The following UBR2 variants were observed in gnomAD, a reference collection of about 807,000 sequenced individuals.
UBR2 encodes the protein E3 ubiquitin-protein ligase UBR2.
A neutral mutation model predicts 247.9 loss-of-function variants in UBR2; 92 were observed. The ratio of observed to expected loss-of-function variants is 0.37; its 90% CI spans 0.31 to 0.44. The LOEUF is 0.44. Ranked by LOEUF, UBR2 falls within the 20% of genes least tolerant of loss-of-function variation. The pLI, the probability that UBR2 is intolerant of heterozygous loss-of-function variation, is 1.00. For missense variants in UBR2, 1,613 were observed against 2,112.6 expected (o/e 0.76, Z 4.64); for synonymous variants, 672 against 693.5 (o/e 0.97, Z 0.49).
At chr6:42,687,477 A>AGG (rs1799507658) in intron 44 of UBR2, among the ~76,000 whole-genome samples, 1 of 152,200 alleles carries the variant, frequency 6.6e-6, no homozygotes. Flanking sequence ...GACTGTGCAA[A>AGG]GGGGAGAGGG....
chr6:42,637,302 T>C (rs1206767962), intron 15 of UBR2, 108 bp downstream of exon 15: 3 of 1,215,480 alleles, frequency 2.5e-6, no homozygotes, highest in African/African-American at 3.1e-5. Flanking sequence ...CTGTGATTTC[T>C]ACATCATTAA....
At chr6:42,608,913 GT>G (rs1359164213) in intron 7 of UBR2, among the ~76,000 whole-genome samples, 1 of 151,934 alleles carries the variant, frequency 6.6e-6, no homozygotes, top group Non-Finnish European at 1.5e-5. Context: ...TAATTTGTAT[GT>G]TTTATGACTT....
chr6:42,576,274 A>G (rs1791499552), intron 2 of UBR2, among the ~76,000 whole-genome samples: 1 of 152,186 alleles, frequency 6.6e-6, no homozygotes, highest in South Asian at 2.1e-4. Flanking sequence ...ATTGGAAACC[A>G]TGCATCTGTA....
At chr6:42,582,838 TA>T (rs1371991805) in intron 2 of UBR2, among the ~76,000 whole-genome samples, 3 of 152,152 alleles carry the variant, frequency 2.0e-5, no homozygotes, top group Non-Finnish European at 4.4e-5. Context: ...GATATCTCAT[TA>T]TAGTTCTTTT....
chr6:42,615,136 CTAG>C lies in UBR2; in HGVS notation c.1053_1055del (p.Val352del). Reference sequence around the variant, plus strand: ...AGGGCCAGATGGTGAAAACTCTTCTCTAGTGGACAGACTGATGCTTAGTGATTC... The same window carrying C: ...AGGGCCAGATGGTGAAAACTCTTCTCTGGACAGACTGATGCTTAGTGATTC... On this transcript the variant is annotated inframe_deletion, in exon 9 of 47. Coordinates refer to ENST00000372901, the MANE Select transcript of UBR2 (RefSeq NM_001363705.2). 1 of 1,613,326 alleles carries C rather than the reference CTAG, an allele frequency of 6.2e-7. No individual in the cohort carries two copies. The highest frequency in any genetic ancestry group is 8.5e-7 in the Non-Finnish European group (1 of 1,179,638).
In UBR2 at chr6:42,683,026, GTGTTTTTCCCCCTC is replaced by G; in HGVS notation, c.4719-23_4719-10del. ...AGTTCTAACCCTTTAAAAGTGTTTTGTGTTTTTCCCCCTCTGTTTACATTAAAGTTGGTGCCGTA... is the reference window on the plus strand; with the variant it reads ...AGTTCTAACCCTTTAAAAGTGTTTTGTGTTTACATTAAAGTTGGTGCCGTA... On this transcript the variant is annotated splice_polypyrimidine_tract_variant and intron_variant, in intron 42 of 46. Coordinates refer to ENST00000372901, the MANE Select transcript of UBR2 (RefSeq NM_001363705.2). The G allele has an allele frequency of 6.6e-7, 1 of 1,509,582 alleles. No individual in the cohort carries two copies. Among genetic ancestry groups the G allele is most frequent in the Non-Finnish European group, 8.9e-7 (1 of 1,128,634 alleles). The allele number at this position is 1,509,582 out of a possible 1,614,324, so 93.5% of individuals were successfully genotyped here.
chr6:42,587,817 ACCAC>A (rs1792391674), intron 2 of UBR2, among the ~76,000 whole-genome samples: 1 of 152,046 alleles, frequency 6.6e-6, no homozygotes, highest in South Asian at 2.1e-4. Context: ...CTATGGCCAT[ACCAC>A]CCTGAATGTG....
chr6:42,634,379 C>A, intron 13 of UBR2: 1 of 209,352 alleles, frequency 4.8e-6, no homozygotes, highest in Non-Finnish European at 1.0e-5. Flanking sequence ...CTTTAGTAGC[C>A]ACCTGGCTTT....
intron 36 of UBR2, among the ~76,000 whole-genome samples, chr6:42,672,157 C>T (rs999077853): frequency 6.6e-6 from 1 of 152,008 alleles, no homozygotes; most frequent in African/African-American, 2.4e-5. Flanking sequence ...CTCAGCCTCC[C>T]GAGTAGCTGG....
intron 7 of UBR2, among the ~76,000 whole-genome samples, chr6:42,610,025 T>A (rs75244829): frequency 0.023 from 3,547 of 151,048 alleles, 125 homozygotes; most frequent in African/African-American, 0.081. Context: ...TAAATAAATA[T>A]ATAAATAAAA....
intron 23 of UBR2, among the ~76,000 whole-genome samples, chr6:42,650,691 A>G (rs1797059293): frequency 6.6e-6 from 1 of 152,186 alleles, no homozygotes; most frequent in Non-Finnish European, 1.5e-5. Flanking sequence ...ATAAAATATA[A>G]AGAAGAAAGT....
chr6:42,667,904 A>G (rs541781304), intron 34 of UBR2, among the ~76,000 whole-genome samples: 1 of 151,630 alleles, frequency 6.6e-6, no homozygotes, highest in African/African-American at 2.4e-5. Context: ...GATTACAGGC[A>G]TGCACTACCA....
Position 42,666,311 on chromosome 6 carries a change from A to T in UBR2, c.3881+66A>T, listed in dbSNP as rs988685290. 5.0e-6 allele frequency: 7 copies of T among 1,396,568 alleles called. No individual in the cohort carries two copies. In the Admixed American group the frequency reaches 1.4e-4, roughly 27 times the overall value. The allele number at this position is 1,396,568 out of a possible 1,614,324, so 86.5% of individuals were successfully genotyped here. On this transcript the variant is annotated intron_variant, in intron 34 of 46. Transcript: ENST00000372901. Reference sequence around the variant, plus strand: ...GAAATGAATGATTAAGTCAGCAGTTAGGAGGAATATGATTTGGCAAGTGAG... The same window carrying T: ...GAAATGAATGATTAAGTCAGCAGTTTGGAGGAATATGATTTGGCAAGTGAG...
At chr6:42,637,997 T>C (rs1796210396) in intron 15 of UBR2, among the ~76,000 whole-genome samples, 1 of 152,220 alleles carries the variant, frequency 6.6e-6, no homozygotes, top group South Asian at 2.1e-4. Context: ...AGTTTGTGGC[T>C]CAGTAGCTTA....
chr6:42,621,384 T>C (rs1444150815), intron 11 of UBR2, among the ~76,000 whole-genome samples: 3 of 152,324 alleles, frequency 2.0e-5, no homozygotes, highest in Admixed American at 2.0e-4. Flanking sequence ...GCCTTAATTA[T>C]AGTAGTTTTG....
At chr6:42,682,982 A>G (rs1289307735) in intron 42 of UBR2, 73 bp from the exon 43 acceptor site, 1 of 1,303,944 alleles carries the variant, frequency 7.7e-7, no homozygotes, top group African/African-American at 1.5e-5. Flanking sequence ...CTTATTGGCT[A>G]TGGAGGGGAA....
At chr6:42,675,845 T>G (rs991717275) in intron 38 of UBR2, among the ~76,000 whole-genome samples, 5 of 152,082 alleles carry the variant, frequency 3.3e-5, no homozygotes, top group Non-Finnish European at 7.4e-5. Flanking sequence ...TAATCCCAGC[T>G]ACTCAGGAGG....
chr6:42,581,124 C>T (rs1033004440), intron 2 of UBR2, among the ~76,000 whole-genome samples: 1 of 151,170 alleles, frequency 6.6e-6, no homozygotes, highest in African/African-American at 2.4e-5. Flanking sequence ...ACCTTTCCTC[C>T]TGCCTCAGCC....
chr6:42,687,527 A>ATTTT (rs1194557667), intron 44 of UBR2, among the ~76,000 whole-genome samples: 2 of 125,486 alleles, frequency 1.6e-5, no homozygotes, highest in African/African-American at 2.8e-5. Flanking sequence ...GTTGTATTTT[A>ATTTT]TTTTATTTAT....
Sources: gnomAD v4.1 joint callset for allele counts (sites outside exome capture counted in the v4.1 genomes callset) on GRCh38, gnomAD v4.1.1 for gene constraint, MANE v1.5 for transcripts, NCBI Gene and HGNC (gene_info 2026-07-23, HGNC 2026-07-21) for gene names.